Variants in NAT1 observed in about 807,000 individuals in gnomAD.
The protein encoded by NAT1 is arylamine N-acetyltransferase 1.
For synonymous variants in NAT1, 144 were observed against 122.6 expected, an observed-to-expected ratio of 1.17 and a Z score of -1.16; for missense variants, 400 against 339.2, an observed-to-expected ratio of 1.18 and a Z score of -1.41.
At chr8:18,210,649 C>A (rs773497073) in intron 1 of NAT1, among the ~76,000 whole-genome samples, 2 of 152,220 alleles carry the variant, frequency 1.3e-5, no homozygotes, top group Non-Finnish European at 2.9e-5. Context: ...CCCAGTTAAT[C>A]CTACAGGCAG....
chr8:18,182,988 T>A (rs1802578378), intron 2 of NAT1, among the ~76,000 whole-genome samples: 1 of 152,210 alleles, frequency 6.6e-6, no homozygotes, highest in African/African-American at 2.4e-5. Context: ...TATTATAAAG[T>A]CTGTTTTAAA....
rs1805379443 is a variant in NAT1 at position 18,222,219 on chromosome 8, C to T, written c.172C>T (p.Gln58Ter). 6.2e-7 allele frequency: 1 copy of T among 1,614,078 alleles called. No individual in the cohort carries two copies. Among genetic ancestry groups the T allele is most frequent in the Non-Finnish European group, 8.5e-7 (1 of 1,180,004 alleles). Residue 58 changes from glutamine to a stop codon, truncating the protein, a stop_gained, in exon 3 of 3, where the codon CAA becomes TAA. Coordinates refer to ENST00000307719, the MANE Select transcript of NAT1 (RefSeq NM_000662.8). LOFTEE classifies it low-confidence loss of function (END_TRUNC). The part of the protein sequence containing the change: ...MDLGLEAIFD[Q>*]VVRRNRGGWC... ...CTTAGGCTTAGAGGCCATTTTTGAT[C>T]AAGTTGTGAGAAGAAATCGGGGTGG...
At position 18,202,600 on chromosome 8, in the gene NAT1, C is replaced by T. The variant is rs183075662; in HGVS notation, n.93-7181C>T. Among the ~76,000 whole-genome samples, 217 of 152,198 alleles carry T rather than the reference C, an allele frequency of 1.4e-3. 1 individual carries two copies. Among genetic ancestry groups the T allele is most frequent in the Non-Finnish European group, 1.9e-3 (132 of 68,018 alleles). On this transcript the variant is annotated intron_variant and non_coding_transcript_variant, in intron 2 of 4. Transcript: ENST00000517441. ...AGTGGGTTCATGGTCTCGCTGACTTCAGGAGTGAAGCTGTAGACCTTCGCA... is the reference window on the plus strand; with the variant it reads ...AGTGGGTTCATGGTCTCGCTGACTTTAGGAGTGAAGCTGTAGACCTTCGCA...
intron 2 of NAT1, among the ~76,000 whole-genome samples, chr8:18,221,011 A>G (rs373249021): frequency 7.9e-5 from 12 of 152,138 alleles, no homozygotes; most frequent in African/African-American, 2.6e-4. Context: ...CTCAATTACA[A>G]CCCTTCTCTC....
intron 2 of NAT1, among the ~76,000 whole-genome samples, chr8:18,191,297 C>T (rs1802980118): frequency 6.6e-6 from 1 of 152,130 alleles, no homozygotes; most frequent in African/African-American, 2.4e-5. Flanking sequence ...GTTTTATAGA[C>T]TGCCTTTGAT....
intron 2 of NAT1, among the ~76,000 whole-genome samples, chr8:18,173,540 T>C (rs1186068520): frequency 1.3e-5 from 2 of 152,166 alleles, no homozygotes; most frequent in Non-Finnish European, 2.9e-5. Context: ...GGGATGGCAA[T>C]TGCAGATGGC....
At chr8:18,181,956 G>T (rs1802540443) in intron 2 of NAT1, among the ~76,000 whole-genome samples, 1 of 152,140 alleles carries the variant, frequency 6.6e-6, no homozygotes, top group South Asian at 2.1e-4. Context: ...CCTGTGCTGT[G>T]TTGCACCGTG....
intron 2 of NAT1, among the ~76,000 whole-genome samples, chr8:18,204,669 A>G (rs543472759): frequency 1.1e-4 from 16 of 152,328 alleles, no homozygotes; most frequent in Non-Finnish European, 1.9e-4. Flanking sequence ...GTTCAAAATT[A>G]CTTCCCATGT....
chr8:18,174,632 C>T (rs7003943), intron 2 of NAT1, among the ~76,000 whole-genome samples: 39,624 of 151,842 alleles, frequency 0.26, 5,762 homozygotes, highest in African/African-American at 0.38. Context: ...GAGAACCCAG[C>T]TTTAGAGGGC....
intron 2 of NAT1, among the ~76,000 whole-genome samples, chr8:18,182,181 C>T (rs943064973): frequency 6.6e-6 from 1 of 152,140 alleles, no homozygotes. Context: ...ATTTCTTTAG[C>T]TCTTTTGAAG....
At chr8:18,218,630 ATTTG>A (rs28359514) in intron 1 of NAT1, among the ~76,000 whole-genome samples, 1 of 152,136 alleles carries the variant, frequency 6.6e-6, no homozygotes, top group African/African-American at 2.4e-5. Flanking sequence ...ATGTCTCCCA[ATTTG>A]TTTGTCATGG....
chr8:18,210,603 C>A (rs1445678205), intron 1 of NAT1, among the ~76,000 whole-genome samples: 1 of 152,222 alleles, frequency 6.6e-6, no homozygotes, highest in African/African-American at 2.4e-5. Context: ...GTGACGCTCA[C>A]CCTCCTCTGT....
intron 2 of NAT1, among the ~76,000 whole-genome samples, chr8:18,196,531 C>T (rs1803241785): frequency 6.6e-6 from 1 of 152,188 alleles, no homozygotes; most frequent in South Asian, 2.1e-4. Flanking sequence ...TAAACTATCT[C>T]CACTCAATAT....
intron 2 of NAT1, among the ~76,000 whole-genome samples, chr8:18,180,321 G>A (rs536401801): frequency 3.3e-5 from 5 of 152,130 alleles, no homozygotes; most frequent in Non-Finnish European, 7.4e-5. Context: ...TATTTGACTA[G>A]GGTCTGAGGG....
intron 1 of NAT1, chr8:18,212,375 C>A (rs115499753): frequency 3.9e-5 from 6 of 152,228 alleles, no homozygotes; most frequent in Non-Finnish European, 7.3e-5. Context: ...TCCTTTCTTA[C>A]CTTTCTTTTA....
At chr8:18,202,515 G>A (rs1264535169) in intron 2 of NAT1, among the ~76,000 whole-genome samples, 1 of 152,202 alleles carries the variant, frequency 6.6e-6, no homozygotes, top group African/African-American at 2.4e-5. Flanking sequence ...ATTAAAGATG[G>A]TGTGTCTGGA....
At chr8:18,172,973 A>T (rs928072900) in intron 2 of NAT1, among the ~76,000 whole-genome samples, 12 of 152,212 alleles carry the variant, frequency 7.9e-5, no homozygotes, top group African/African-American at 2.9e-4. Context: ...GGCTAGACGC[A>T]CACATTTTAT....
intron 2 of NAT1, chr8:18,221,755 T>A (rs2117434370): frequency 3.5e-6 from 1 of 283,102 alleles, no homozygotes; most frequent in South Asian, 6.3e-5. Flanking sequence ...CTTTTATTAA[T>A]CACCAAGAGA....
At chr8:18,187,980 C>CACACACACACA (rs60134408) in intron 2 of NAT1, among the ~76,000 whole-genome samples, 3 of 145,108 alleles carry the variant, frequency 2.1e-5, no homozygotes, top group Non-Finnish European at 4.5e-5. Context: ...CACACACACA[C>CACACACACACA]TTTTATGCCA....
Sources: gnomAD v4.1 joint callset for allele counts (sites outside exome capture counted in the v4.1 genomes callset) on GRCh38, gnomAD v4.1.1 for gene constraint, MANE v1.5 for transcripts, NCBI Gene and HGNC (gene_info 2026-07-23, HGNC 2026-07-21) for gene names.